Variants in PCDH15 observed in about 807,000 individuals in gnomAD.
PCDH15 encodes the protein protocadherin-15.
A neutral mutation model predicts 178.5 loss-of-function variants in PCDH15; 129 were observed. The ratio of observed to expected loss-of-function variants is 0.72; its 90% CI spans 0.63 to 0.84. The LOEUF is 0.84. PCDH15 is among the 40% of genes least tolerant of loss of function. The pLI is 0.00. For synonymous variants in PCDH15, 800 were observed against 732.0 expected (o/e 1.09, Z -1.50); for missense variants, 2,230 against 2,099.9 (o/e 1.06, Z -1.21).
At chr10:55,596,889 G>A (rs1050849301) in intron 2 of PCDH15, among the ~76,000 whole-genome samples, 1 of 151,986 alleles carries the variant, frequency 6.6e-6, no homozygotes, top group Non-Finnish European at 1.5e-5. Context: ...CAAAAACAGA[G>A]GCAATAAAGG....
At chr10:55,603,109 G>A (rs1322215556) in intron 2 of PCDH15, among the ~76,000 whole-genome samples, 6 of 152,202 alleles carry the variant, frequency 3.9e-5, no homozygotes, top group East Asian at 3.9e-4. Flanking sequence ...CTCAGGAGCC[G>A]AAGCAATCAA....
intron 2 of PCDH15, among the ~76,000 whole-genome samples, chr10:55,338,886 C>T (rs1844474674): frequency 6.6e-6 from 1 of 152,052 alleles, no homozygotes. Flanking sequence ...CACCGTAAAA[C>T]AAATGTGGCA....
At chr10:54,817,767 T>G (rs1952972425) in intron 3 of PCDH15, among the ~76,000 whole-genome samples, 1 of 152,060 alleles carries the variant, frequency 6.6e-6, no homozygotes, top group Non-Finnish European at 1.5e-5. Flanking sequence ...TTCATACATG[T>G]CAATGCTAAA....
intron 13 of PCDH15, among the ~76,000 whole-genome samples, chr10:54,155,769 C>G (rs902490633): frequency 1.3e-5 from 2 of 148,370 alleles, no homozygotes; most frequent in Non-Finnish European, 3.0e-5. Flanking sequence ...TGCACTCCAG[C>G]CTGGCAACAG....
chr10:54,841,766 G>T (rs1395198658), intron 3 of PCDH15, among the ~76,000 whole-genome samples: 1 of 151,516 alleles, frequency 6.6e-6, no homozygotes, highest in Non-Finnish European at 1.5e-5. Flanking sequence ...AATAAAAATA[G>T]AAAAAATTAA....
chr10:54,552,507 G>A (rs933501476), intron 2 of PCDH15, among the ~76,000 whole-genome samples: 1 of 152,092 alleles, frequency 6.6e-6, no homozygotes, highest in East Asian at 1.9e-4. Flanking sequence ...GAATACAGCC[G>A]CTAATACCAG....
In PCDH15 at chr10:53,806,851, G is replaced by GAGGT; in HGVS notation, c.4947_4950dup (p.Leu1651ThrfsTer13). On this transcript the variant is annotated frameshift_variant, in exon 38 of 38. Transcript: ENST00000644397. LOFTEE classifies it high-confidence loss of function. ...AATGGCCCCTTTGATAATGTGTTCAGAGGTACATTCTCCTCATGTGTCACT... is the reference window on the plus strand; with the variant it reads ...AATGGCCCCTTTGATAATGTGTTCAGAGGTAGGTACATTCTCCTCATGTGTCACT... 1 of 1,613,844 alleles carries GAGGT rather than the reference G, an allele frequency of 6.2e-7. No individual in the cohort carries two copies. The highest frequency in any genetic ancestry group is 1.1e-5 in the South Asian group (1 of 91,074).
At chr10:54,141,380 T>C (rs1590747293) in intron 14 of PCDH15, among the ~76,000 whole-genome samples, 1 of 152,238 alleles carries the variant, frequency 6.6e-6, no homozygotes, top group East Asian at 1.9e-4. Flanking sequence ...AAAAGACTTA[T>C]TTTTATGAGT....
chr10:54,525,485 T>G (rs1254741025), intron 3 of PCDH15, among the ~76,000 whole-genome samples: 11 of 152,194 alleles, frequency 7.2e-5, no homozygotes, highest in Admixed American at 7.2e-4. Flanking sequence ...AGGATCTCAC[T>G]CTGCCACCCA....
chr10:54,035,417 C>T (rs1302909716), intron 18 of PCDH15, among the ~76,000 whole-genome samples: 2 of 151,912 alleles, frequency 1.3e-5, no homozygotes, highest in African/African-American at 4.8e-5. Context: ...TTTTAAATTA[C>T]TACTGGATCT....
At position 55,328,946 on chromosome 10, in the gene PCDH15, AT is replaced by A. The variant is rs1565015095; in HGVS notation, c.-155-162296del. On this transcript the variant is annotated intron_variant, in intron 2 of 5. Transcript: ENST00000613346. The stretch of plus-strand genomic sequence containing the variant: ...TATATATATATATATATATATATAT[AT>A]ATAAAATATATAATATGGGGATGTA... 1.6e-4 allele frequency among the ~76,000 whole-genome samples: 21 copies of A among 134,886 alleles called. 1 individual carries two copies. Among genetic ancestry groups the A allele is most frequent in the Admixed American group, 2.3e-4 (3 of 13,028 alleles). 88.5% of individuals were successfully genotyped at this position (134,886 alleles called of 152,430 possible). A position where few individuals can be genotyped will look rare whatever the true frequency, so the allele number is the denominator to read the frequency against.
chr10:54,293,418 A>G (rs970442632), intron 8 of PCDH15, among the ~76,000 whole-genome samples: 1 of 152,208 alleles, frequency 6.6e-6, no homozygotes, highest in Non-Finnish European at 1.5e-5. Context: ...CAAACACTTC[A>G]TGACTAAGAC....
chr10:53,988,653 C>G (rs2091268900), intron 21 of PCDH15, among the ~76,000 whole-genome samples: 1 of 152,024 alleles, frequency 6.6e-6, no homozygotes, highest in Non-Finnish European at 1.5e-5. Flanking sequence ...TTCAGAGGGT[C>G]TGTTTCCATT....
At chr10:55,229,759 A>C (rs1007405179) in intron 1 of PCDH15, among the ~76,000 whole-genome samples, 1 of 152,058 alleles carries the variant, frequency 6.6e-6, no homozygotes, top group Non-Finnish European at 1.5e-5. Flanking sequence ...CTTTCATGTA[A>C]ATGAGAAATT....
chr10:54,313,796 G>T (rs1388402729), intron 8 of PCDH15, among the ~76,000 whole-genome samples: 1 of 152,068 alleles, frequency 6.6e-6, no homozygotes, highest in Non-Finnish European at 1.5e-5. Context: ...GTATAATCTG[G>T]TCTCTAGCAT....
intron 1 of PCDH15, among the ~76,000 whole-genome samples, chr10:54,717,938 A>T (rs1454449739): frequency 6.8e-6 from 1 of 146,430 alleles, no homozygotes; most frequent in South Asian, 2.2e-4. Context: ...GCCATAAAAA[A>T]TGATGAGTTC....
At chr10:54,057,464 C>T (rs1357916450) in intron 18 of PCDH15, among the ~76,000 whole-genome samples, 2 of 152,226 alleles carry the variant, frequency 1.3e-5, no homozygotes, top group Non-Finnish European at 2.9e-5. Flanking sequence ...CTTGTAACCT[C>T]TGAAGCCCTG....
At chr10:55,478,658 A>G (rs1285145136) in intron 2 of PCDH15, among the ~76,000 whole-genome samples, 8 of 151,148 alleles carry the variant, frequency 5.3e-5, no homozygotes, top group Admixed American at 4.6e-4. Context: ...ATTAGAGAAG[A>G]AAAAAACTAA....
rs561463886 is a variant in PCDH15, at chr10:54,863,403, A to G, written c.-29+34047T>C. Among the ~76,000 whole-genome samples, 46 of 152,164 alleles carry G rather than the reference A, an allele frequency of 3.0e-4. 2 individuals are homozygous for G. The East Asian group carries it at 6.4e-3, about 21-fold the overall frequency. On this transcript the variant is annotated intron_variant, in intron 3 of 5. Coordinates refer to the PCDH15 transcript ENST00000458638. ...TAAAAATACAAAAAATTAGCCGGGC[A>G]TGGTGGCGGGTCCCTGTAGTCCCAT...
Sources: gnomAD v4.1 joint callset for allele counts (sites outside exome capture counted in the v4.1 genomes callset) on GRCh38, gnomAD v4.1.1 for gene constraint, MANE v1.5 for transcripts, NCBI Gene and HGNC (gene_info 2026-07-23, HGNC 2026-07-21) for gene names.